Variants in KAZN observed in about 807,000 individuals in gnomAD.
KAZN encodes the protein kazrin, periplakin interacting protein.
A neutral mutation model predicts 87.4 loss-of-function variants in KAZN; 40 were observed. The observed-to-expected ratio is 0.46, with a 90% CI of 0.36 to 0.60. The LOEUF is 0.60. Among genes scored for constraint, KAZN ranks in the 20% least tolerant of loss-of-function variants. The pLI, the probability that KAZN is intolerant of heterozygous loss-of-function variation, is 0.00. For missense variants in KAZN, 898 were observed against 1,073.9 expected, an observed-to-expected ratio of 0.84 and a Z score of 2.29; for synonymous variants, 466 against 458.3, an observed-to-expected ratio of 1.02 and a Z score of -0.22.
chr1:14,452,375 C>A (rs1271194486), intron 2 of KAZN, among the ~76,000 whole-genome samples: 1 of 152,188 alleles, frequency 6.6e-6, no homozygotes, highest in Non-Finnish European at 1.5e-5. Context: ...ACAGGCATCT[C>A]ATTACACATC....
intron 1 of KAZN, among the ~76,000 whole-genome samples, chr1:14,630,163 G>A (rs992932199): frequency 3.3e-5 from 5 of 152,170 alleles, no homozygotes; most frequent in African/African-American, 1.2e-4. Context: ...TATCAGAGAA[G>A]GGGAAATGAA....
chr1:14,246,625 C>T (rs376173226), intron 2 of KAZN, among the ~76,000 whole-genome samples: 35 of 152,242 alleles, frequency 2.3e-4, no homozygotes, highest in Non-Finnish European at 3.4e-4. Context: ...TCCAACACCC[C>T]GATTGCATTC....
At chr1:14,342,607 T>A (rs1335748414) in intron 2 of KAZN, among the ~76,000 whole-genome samples, 1 of 152,044 alleles carries the variant, frequency 6.6e-6, no homozygotes, top group African/African-American at 2.4e-5. Context: ...CCGAACCCAA[T>A]GCTTGGCACA....
chr1:14,455,799 A>G (rs1431848332), intron 2 of KAZN, among the ~76,000 whole-genome samples: 4 of 152,170 alleles, frequency 2.6e-5, no homozygotes, highest in South Asian at 4.1e-4. Context: ...CAAGGAAAGG[A>G]CTGTGCCCAT....
At chr1:14,120,318 G>T (rs1057431086) in intron 1 of KAZN, among the ~76,000 whole-genome samples, 2 of 152,052 alleles carry the variant, frequency 1.3e-5, no homozygotes, top group South Asian at 2.1e-4. Flanking sequence ...ACCAGGTCTC[G>T]TGAGAACTCA....
intron 1 of KAZN, among the ~76,000 whole-genome samples, chr1:14,109,292 CT>C (rs1160267801): frequency 4.6e-5 from 7 of 152,084 alleles, no homozygotes. Context: ...GCCAGTAGCC[CT>C]TAGTATTGGC....
rs186057893 is a variant in KAZN, at chr1:14,448,727, C to T, written c.250-150256C>T. Among the ~76,000 whole-genome samples, 34 of 152,288 alleles carry T rather than the reference C, an allele frequency of 2.2e-4. No individual in the cohort carries two copies. In the East Asian group the frequency reaches 3.3e-3, roughly 15 times the overall value. ...GCAACAGAAGCAAAATGGTCCAACA[C>T]GGAGTTGGGCGAGGGCAGGCACAAG... On this transcript the variant is annotated intron_variant, in intron 2 of 16. Coordinates refer to the KAZN transcript ENST00000636203.
At chr1:15,055,948 C>G in intron 4 of KAZN, 143 bp from the exon 5 acceptor site, 1 of 771,848 alleles carries the variant, frequency 1.3e-6, no homozygotes, top group East Asian at 2.7e-5. Context: ...GCTTGACTTA[C>G]CAATTGACGC....
intron 1 of KAZN, among the ~76,000 whole-genome samples, chr1:14,024,865 G>A (rs970358036): frequency 6.6e-6 from 1 of 152,178 alleles, no homozygotes; most frequent in Non-Finnish European, 1.5e-5. Context: ...TAAACCAATT[G>A]CTGGCGTGGC....
At position 14,856,165 on chromosome 1, in the gene KAZN, A is replaced by G. The variant is rs1465240338; in HGVS notation, c.227-104519A>G. ...AATCAGACTCTGAGGGTGGTCAGGG[A>G]GGCTGCAGCTCTTGGGAGGATAATG... On this transcript the variant is annotated intron_variant, in intron 1 of 14. Transcript: ENST00000376030. This position sits in a 1 kb window ranked among gnomAD's most constrained non-coding sequence, Gnocchi z 5.2. Among the ~76,000 whole-genome samples the G allele has an allele frequency of 1.3e-5, 2 of 152,136 alleles. No homozygotes were observed. Among genetic ancestry groups the G allele is most frequent in the East Asian group, 3.9e-4 (2 of 5,188 alleles).
intron 2 of KAZN, among the ~76,000 whole-genome samples, chr1:14,436,717 C>CAAAAAAAAA (rs1197002414): frequency 5.8e-5 from 3 of 51,302 alleles, no homozygotes; most frequent in African/African-American, 3.4e-4. Flanking sequence ...GACTCTGTCT[C>CAAAAAAAAA]AAAAAAAAAA....
intron 1 of KAZN, among the ~76,000 whole-genome samples, chr1:14,091,343 T>C (rs184995869): frequency 2.0e-4 from 31 of 152,256 alleles, no homozygotes; most frequent in African/African-American, 7.2e-4. Context: ...GCTCCTTTTG[T>C]TCCTTCTCCT....
chr1:14,476,183 T>G (rs1210384475), intron 2 of KAZN, among the ~76,000 whole-genome samples: 1 of 152,206 alleles, frequency 6.6e-6, no homozygotes, highest in Non-Finnish European at 1.5e-5. Context: ...TTCCCTAGGC[T>G]GCTCCTTGGT....
chr1:14,879,977 A>G (rs1433523443), intron 1 of KAZN, among the ~76,000 whole-genome samples: 1 of 152,220 alleles, frequency 6.6e-6, no homozygotes, highest in Non-Finnish European at 1.5e-5. Context: ...AATTCAAGTC[A>G]AGAATCTCAA....
chr1:14,226,671 A>T (rs1249511909), intron 2 of KAZN, among the ~76,000 whole-genome samples: 1 of 152,192 alleles, frequency 6.6e-6, no homozygotes, highest in African/African-American at 2.4e-5. Flanking sequence ...TCAACAGTGG[A>T]CTGGATAAAG....
chr1:14,655,384 T>C (rs1188528037), intron 1 of KAZN, among the ~76,000 whole-genome samples: 1 of 152,222 alleles, frequency 6.6e-6, no homozygotes. Flanking sequence ...GCTGGTCCGA[T>C]AAATTTATAT....
intron 1 of KAZN, among the ~76,000 whole-genome samples, chr1:14,751,558 C>T (rs537838829): frequency 1.3e-5 from 2 of 152,280 alleles, no homozygotes; most frequent in Admixed American, 6.5e-5. Flanking sequence ...CACAGTAAGA[C>T]CTTGGGTAGG....
At chr1:14,424,845 C>T (rs1192660771) in intron 2 of KAZN, among the ~76,000 whole-genome samples, 1 of 152,192 alleles carries the variant, frequency 6.6e-6, no homozygotes, top group Non-Finnish European at 1.5e-5. Flanking sequence ...GATTCCCAGG[C>T]CCCATCTGCT....
chr1:14,181,338 G>A (rs1646193869), intron 2 of KAZN, among the ~76,000 whole-genome samples: 1 of 152,184 alleles, frequency 6.6e-6, no homozygotes, highest in Non-Finnish European at 1.5e-5. Context: ...ATTTGCCCCG[G>A]GGATTTCTTC....
Sources: allele counts gnomAD v4.1 joint callset (sites outside exome capture counted in the v4.1 genomes callset), GRCh38; gene constraint gnomAD v4.1.1; non-coding constraint Gnocchi (gnomAD v3.1); transcripts MANE v1.5; gene names NCBI Gene and HGNC (gene_info 2026-07-23, HGNC 2026-07-21).